The following FIBCD1 variants were observed in gnomAD, a reference collection of about 807,000 sequenced individuals.
The protein encoded by FIBCD1 is fibrinogen C domain-containing protein 1.
Under a neutral mutation model 45.1 loss-of-function variants are expected in FIBCD1, and 47 were observed. The ratio of observed to expected loss-of-function variants is 1.04; its 90% CI spans 0.82 to 1.33. FIBCD1 has a LOEUF of 1.33. Ranked by LOEUF, FIBCD1 falls within the 40% of genes most tolerant of loss-of-function variation. The pLI is 0.00. For missense variants in FIBCD1, 653 were observed against 682.2 expected (o/e 0.96, Z 0.48); for synonymous variants, 313 against 308.1 (o/e 1.02, Z -0.17).
intron 5 of FIBCD1, among the ~76,000 whole-genome samples, chr9:130,911,544 G>A (rs1832047837): frequency 6.6e-6 from 1 of 152,252 alleles, no homozygotes; most frequent in African/African-American, 2.4e-5. Flanking sequence ...GCCTCCAAGG[G>A]CATGTGGGAC....
intron 5 of FIBCD1, among the ~76,000 whole-genome samples, chr9:130,911,058 G>T (rs369874231): frequency 5.3e-5 from 8 of 152,184 alleles, no homozygotes; most frequent in Non-Finnish European, 1.0e-4. Flanking sequence ...AAAGCAGGCT[G>T]CCCCAGCCAG....
intron 4 of FIBCD1, among the ~76,000 whole-genome samples, chr9:130,913,111 A>G (rs1832092903): frequency 6.6e-6 from 1 of 152,178 alleles, no homozygotes; most frequent in Non-Finnish European, 1.5e-5. Context: ...TTTGGGAGTC[A>G]GGAATCCCAT....
upstream of FIBCD1, among the ~76,000 whole-genome samples, chr9:130,940,553 A>G (rs1202971017): frequency 6.6e-6 from 1 of 152,222 alleles, no homozygotes; most frequent in African/African-American, 2.4e-5. Flanking sequence ...GATGTGGTGG[A>G]GGGCACAGGG....
intron 1 of FIBCD1, among the ~76,000 whole-genome samples, chr9:130,934,753 T>C (rs555453220): frequency 3.9e-5 from 6 of 152,262 alleles, no homozygotes; most frequent in Non-Finnish European, 7.4e-5. Context: ...GCACCAACCC[T>C]ACCTGTTGCC....
chr9:130,931,109 G>A (rs1377568248), intron 1 of FIBCD1, among the ~76,000 whole-genome samples: 1 of 152,110 alleles, frequency 6.6e-6, no homozygotes, highest in Non-Finnish European at 1.5e-5. Flanking sequence ...CCAACCCGCT[G>A]GGCCAGGTAG....
chr9:130,925,944 T>C (rs928225783), intron 2 of FIBCD1, among the ~76,000 whole-genome samples: 5 of 152,228 alleles, frequency 3.3e-5, no homozygotes, highest in Admixed American at 6.5e-5. Flanking sequence ...GCAGGGGCCC[T>C]GCAAAGCTTT....
chr9:130,921,656 G>A (rs1832262953), intron 4 of FIBCD1, among the ~76,000 whole-genome samples: 1 of 152,230 alleles, frequency 6.6e-6, no homozygotes, highest in Non-Finnish European at 1.5e-5. Context: ...GAAGACGCAT[G>A]GCCCGCTCCG....
At chr9:130,934,506 C>T (rs965477424) in intron 1 of FIBCD1, among the ~76,000 whole-genome samples, 3 of 152,310 alleles carry the variant, frequency 2.0e-5, no homozygotes. Flanking sequence ...ACAGAGCTCC[C>T]AGCCTCTGCC....
chr9:130,912,656 G>A (rs570728911), intron 4 of FIBCD1, among the ~76,000 whole-genome samples: 42 of 151,100 alleles, frequency 2.8e-4, no homozygotes, highest in Non-Finnish European at 5.0e-4. Context: ...GCAGTGAGCC[G>A]AGATCATGCC....
At chr9:130,916,572 C>A (rs1167142604) in intron 4 of FIBCD1, among the ~76,000 whole-genome samples, 1 of 152,252 alleles carries the variant, frequency 6.6e-6, no homozygotes, top group African/African-American at 2.4e-5. Context: ...TAGTCTGACT[C>A]TGAGCCCAGG....
chr9:130,939,939 G>A (rs961226469), upstream of FIBCD1, among the ~76,000 whole-genome samples: 9 of 131,424 alleles, frequency 6.8e-5, no homozygotes, highest in African/African-American at 1.7e-4. Context: ...CGAGCCCGCC[G>A]GCCGCCCCTC....
chr9:130,911,836 G>C lies in FIBCD1; in HGVS notation c.902C>G (p.Ala301Gly). The C allele has an allele frequency of 6.2e-7, 1 of 1,604,446 alleles. No homozygotes were observed. The highest frequency in any genetic ancestry group is 8.5e-7 in the Non-Finnish European group (1 of 1,176,318). ...GAGCCTGCCAAAGCCGTCTCGGTAC[G>C]CATCCCAGCCCCGGAAGAAGTTCAC... ...GSVNFFRGWD[A>G]YRDGFGRLTG... Residue 301 changes from alanine to glycine, a missense_variant, in exon 5 of 7, where the codon GCG becomes GGG. Physicochemically the swap from Ala to Gly is moderately conservative, Grantham distance 60. Transcript: ENST00000372338.
chr9:130,923,300 G>T (rs1319134019), intron 4 of FIBCD1, among the ~76,000 whole-genome samples: 1 of 152,162 alleles, frequency 6.6e-6, no homozygotes, highest in Admixed American at 6.5e-5. Context: ...AGCTGTGGGG[G>T]GTCTCTGCTC....
At chr9:130,935,003 G>T (rs1234816008) in intron 1 of FIBCD1, among the ~76,000 whole-genome samples, 2 of 152,160 alleles carry the variant, frequency 1.3e-5, no homozygotes, top group Admixed American at 1.3e-4. Flanking sequence ...CCCGACCTGT[G>T]AGTTTGTTCC....
chr9:130,940,381 A>G (rs1161934712), upstream of FIBCD1, among the ~76,000 whole-genome samples: 1 of 152,250 alleles, frequency 6.6e-6, no homozygotes, highest in Non-Finnish European at 1.5e-5. Context: ...GGCTTCCCGG[A>G]CTGAGGCTGC....
intron 4 of FIBCD1, among the ~76,000 whole-genome samples, chr9:130,919,265 G>A (rs115941592): frequency 0.012 from 1,778 of 152,256 alleles, 38 homozygotes; most frequent in African/African-American, 0.04. Flanking sequence ...CCCGGTCACC[G>A]GTCACCTCGC....
In FIBCD1 at chr9:130,904,102, A is replaced by G. The variant is rs768117842; in HGVS notation, c.1348T>C (p.Ser450Pro). The change falls in exon 7 of 7, where the codon TCT becomes CCT. Residue 450 changes from serine to proline, a missense_variant. Ser to Pro is a moderately conservative substitution (Grantham distance 74, BLOSUM62 -1). Transcript: ENST00000372338. Reference sequence around the variant, plus strand: ...CGGACCGGCCGGATCTTCATCTCAGAGAACTTGAGTGAGTACTGCCAGCCG... The same window carrying G: ...CGGACCGGCCGGATCTTCATCTCAGGGAACTTGAGTGAGTACTGCCAGCCG... ...WTGWQYSLKF[S>P]EMKIRPVRED... 19 of 1,613,002 alleles carry G rather than the reference A, an allele frequency of 1.2e-5. No homozygotes were observed. The highest frequency in any genetic ancestry group is 1.5e-5 in the Non-Finnish European group (18 of 1,179,852).
At chr9:130,933,017 C>A (rs1458304257) in intron 1 of FIBCD1, among the ~76,000 whole-genome samples, 1 of 152,174 alleles carries the variant, frequency 6.6e-6, no homozygotes, top group Non-Finnish European at 1.5e-5. Context: ...AACTCCCACA[C>A]CCCTGCCCTA....
At position 130,923,676 on chromosome 9, in the gene FIBCD1, G is replaced by A. The variant is rs531881742; in HGVS notation, c.849+68C>T. On this transcript the variant is annotated intron_variant, in intron 4 of 6. Transcript: ENST00000372338. ...GGGTAGGAAGCTGCTCGGAATGCCC[G>A]GGTTCAGGTACACAGCCTCACGGTC... The A allele has an allele frequency of 1.5e-4, 236 of 1,576,468 alleles. 1 individual carries two copies. The highest frequency in any genetic ancestry group is 1.8e-4 in the Non-Finnish European group (214 of 1,165,186).
Sources: gnomAD v4.1 joint callset for allele counts (sites outside exome capture counted in the v4.1 genomes callset) on GRCh38, gnomAD v4.1.1 for gene constraint, MANE v1.5 for transcripts, NCBI Gene and HGNC (gene_info 2026-07-23, HGNC 2026-07-21) for gene names.